Variants in FARP2 observed in about 807,000 individuals in gnomAD.
FARP2 encodes FERM, ARH/RhoGEF and pleckstrin domain protein 2.
In FARP2, 111 loss-of-function variants were observed where a neutral mutation model predicts 130.5. The observed-to-expected ratio is 0.85, with a 90% CI of 0.73 to 1.00. The LOEUF (loss-of-function observed/expected upper bound fraction) is 1.00. Among genes scored for constraint, FARP2 ranks in the 50% least tolerant of loss-of-function variants. The pLI is 0.00. For missense variants in FARP2, 1,385 were observed against 1,346.3 expected (o/e 1.03, Z -0.45); for synonymous variants, 504 against 516.9 (o/e 0.98, Z 0.34).
intron 8 of FARP2, among the ~76,000 whole-genome samples, chr2:241,429,418 A>G (rs1229332606): frequency 6.6e-6 from 1 of 152,176 alleles, no homozygotes; most frequent in Non-Finnish European, 1.5e-5. Flanking sequence ...TGTTTATGAT[A>G]TGGGATTGTG....
intron 2 of FARP2, among the ~76,000 whole-genome samples, chr2:241,394,871 C>T (rs2061991912): frequency 1.3e-5 from 2 of 152,154 alleles, no homozygotes; most frequent in African/African-American, 4.8e-5. Flanking sequence ...CGCTTGAGGA[C>T]CTGTCCCGAA....
intron 13 of FARP2, chr2:241,443,709 C>T (rs1193408152): frequency 6.6e-6 from 1 of 152,292 alleles, no homozygotes; most frequent in Non-Finnish European, 1.5e-5. Context: ...AAGTGCCGGT[C>T]TCAGGCCAGC....
chr2:241,493,957 G>GTGTC (rs1213649348), intron 26 of FARP2, 51 bp from the exon 27 acceptor site: 1 of 1,162,040 alleles, frequency 8.6e-7, no homozygotes, highest in African/African-American at 1.6e-5. Context: ...TCTTGGGACA[G>GTGTC]TGTCTGAGCA....
At chr2:241,435,908 A>ATTTTT (rs34703186) in intron 11 of FARP2, among the ~76,000 whole-genome samples, 10 of 100,992 alleles carry the variant, frequency 9.9e-5, no homozygotes, top group East Asian at 6.3e-4. Context: ...AGTATAGTAA[A>ATTTTT]TTTTTTTTTT....
chr2:241,377,566 C>G (rs1297341837), intron 2 of FARP2, among the ~76,000 whole-genome samples: 4 of 152,156 alleles, frequency 2.6e-5, no homozygotes, highest in Admixed American at 6.5e-5. Flanking sequence ...TGGTCTCGAT[C>G]TCCTGACCTC....
At chr2:241,457,085 G>A (rs62190376) in intron 14 of FARP2, among the ~76,000 whole-genome samples, 163 bp downstream of exon 14, 2 of 152,176 alleles carry the variant, frequency 1.3e-5, no homozygotes, top group South Asian at 4.1e-4. Context: ...GTACTGGGCC[G>A]CCTTCCCTAG....
intron 14 of FARP2, among the ~76,000 whole-genome samples, chr2:241,457,714 G>A (rs1258498262): frequency 1.8e-4 from 26 of 140,662 alleles, no homozygotes; most frequent in Admixed American, 1.6e-3. Context: ...ACTAAGGACC[G>A]CTTTGGGTTC....
At chr2:241,466,673 C>A in intron 17 of FARP2, 1 of 881,930 alleles carries the variant, frequency 1.1e-6, no homozygotes, top group Non-Finnish European at 1.3e-6. Context: ...GCCCCGCCTT[C>A]ACTCCCCTTC....
In FARP2 at chr2:241,472,090, G is replaced by A. The variant is rs112231717; in HGVS notation, c.2131+3713G>A. The stretch of plus-strand genomic sequence containing the variant: ...TTTTGAGGGGATCCTGTTCTGGGGG[G>A]GTTCTGTTCTGTGGAGACCCTATTC... On this transcript the variant is annotated intron_variant, in intron 18 of 26. Coordinates refer to ENST00000264042, the MANE Select transcript of FARP2 (RefSeq NM_014808.4). Among the ~76,000 whole-genome samples, 683 of 151,860 alleles carry A rather than the reference G, an allele frequency of 4.5e-3. 4 individuals carry two copies. Among genetic ancestry groups the A allele is most frequent in the Non-Finnish European group, 6.3e-3 (428 of 67,916 alleles).
In FARP2 at chr2:241,457,770, G is replaced by A. The variant is rs368410523; in HGVS notation, c.1587+848G>A. On this transcript the variant is annotated intron_variant, in intron 14 of 26. Coordinates refer to ENST00000264042, the MANE Select transcript of FARP2 (RefSeq NM_014808.4). ...AGACCCAGTGTAGAAACATCTGGGT[G>A]CTAAGGGAGGGTGCACTAGGGACCG... is the stretch of plus-strand genomic sequence containing the variant. 5.9e-5 allele frequency among the ~76,000 whole-genome samples: 9 copies of A among 151,270 alleles called. No homozygotes were observed. The South Asian group carries it at 8.4e-4, about 14-fold the overall frequency.
At chr2:241,406,875 G>T (rs1173226150) in intron 4 of FARP2, among the ~76,000 whole-genome samples, 1 of 151,984 alleles carries the variant, frequency 6.6e-6, no homozygotes, top group Non-Finnish European at 1.5e-5. Context: ...TGGCACGATC[G>T]CGGCTCACTG....
chr2:241,374,177 A>G (rs915056344), intron 2 of FARP2, among the ~76,000 whole-genome samples: 3 of 151,876 alleles, frequency 2.0e-5, no homozygotes, highest in Non-Finnish European at 4.4e-5. Context: ...ACGCCTGGCT[A>G]ATTTTTGTAC....
At chr2:241,390,044 T>C (rs974097756) in intron 2 of FARP2, among the ~76,000 whole-genome samples, 1 of 152,206 alleles carries the variant, frequency 6.6e-6, no homozygotes, top group Admixed American at 6.5e-5. Flanking sequence ...TTCCCATCCT[T>C]GCTCTTACAA....
intron 19 of FARP2, among the ~76,000 whole-genome samples, chr2:241,477,318 C>T (rs1215517630): frequency 6.6e-6 from 1 of 151,994 alleles, no homozygotes; most frequent in African/African-American, 2.4e-5. Flanking sequence ...TTAGCAGAGA[C>T]AGGGTTTCAC....
chr2:241,463,856 A>G, intron 16 of FARP2, 43 bp from the exon 17 acceptor site: 1 of 1,549,866 alleles, frequency 6.5e-7, no homozygotes, highest in Non-Finnish European at 8.9e-7. Context: ...GCCTTCTGCA[A>G]GCTTTCACCA....
At chr2:241,485,615 C>T (rs1477195065) in intron 21 of FARP2, among the ~76,000 whole-genome samples, 1 of 148,398 alleles carries the variant, frequency 6.7e-6, no homozygotes, top group African/African-American at 2.5e-5. Context: ...TCCTCTCTCC[C>T]TGGGATATTC....
intron 17 of FARP2, chr2:241,465,567 C>A: frequency 6.4e-7 from 1 of 1,550,562 alleles, no homozygotes; most frequent in Non-Finnish European, 8.7e-7. Context: ...TCAATAGGAG[C>A]AACGGTACAG....
At chr2:241,440,158 T>G (rs1435470321) in intron 12 of FARP2, among the ~76,000 whole-genome samples, 2 of 152,178 alleles carry the variant, frequency 1.3e-5, no homozygotes, top group Non-Finnish European at 2.9e-5. Context: ...GCAGTTACAT[T>G]TGCACTTTTT....
At chr2:241,395,225 A>G (rs1042915424) in intron 2 of FARP2, among the ~76,000 whole-genome samples, 1 of 152,212 alleles carries the variant, frequency 6.6e-6, no homozygotes, top group Non-Finnish European at 1.5e-5. Flanking sequence ...GGCCTGGAGA[A>G]TATCTGCTCC....
Sources: allele counts gnomAD v4.1 joint callset (sites outside exome capture counted in the v4.1 genomes callset), GRCh38; gene constraint gnomAD v4.1.1; transcripts MANE v1.5; gene names NCBI Gene and HGNC (gene_info 2026-07-23, HGNC 2026-07-21).